Variants in GIT2 observed in about 807,000 individuals in gnomAD.
GIT2 encodes GIT ArfGAP 2, also known as ARF GTPase-activating protein GIT2.
A neutral mutation model predicts 100.3 loss-of-function variants in GIT2; 32 were observed. The ratio of observed to expected loss-of-function variants is 0.32; its 90% CI spans 0.24 to 0.43. GIT2 has a LOEUF of 0.43. Among genes scored for constraint, GIT2 ranks in the 20% least tolerant of loss-of-function variants. GIT2 has a pLI of 1.00. For synonymous variants in GIT2, 353 were observed against 364.1 expected (o/e 0.97, Z 0.35); for missense variants, 737 against 975.1 (o/e 0.76, Z 3.25).
intron 8 of GIT2, chr12:109,965,843 G>A: frequency 1.7e-6 from 1 of 591,866 alleles, no homozygotes; most frequent in Non-Finnish European, 3.2e-6. Context: ...GCTATTGCCA[G>A]GTTACCTTCC....
At chr12:109,939,673 AAAATAAATAAAATAAATAAATAAAT>A (rs1874035220) in intron 16 of GIT2, 1 of 136,424 alleles carries the variant, frequency 7.3e-6, no homozygotes, top group African/African-American at 2.7e-5. Flanking sequence ...CAACATTTAA[AAAATAAATAAAATAAATAAATAAAT>A]AAATAAATAA....
intron 9 of GIT2, 51 bp from the exon 10 acceptor site, chr12:109,961,736 G>A (rs1210350778): frequency 1.9e-6 from 2 of 1,066,506 alleles, no homozygotes; most frequent in East Asian, 2.4e-5. Context: ...AATGCCAGGA[G>A]GACAAGAGGG....
At chr12:109,968,333 T>A (rs1204571279) in intron 7 of GIT2, among the ~76,000 whole-genome samples, 1 of 152,004 alleles carries the variant, frequency 6.6e-6, no homozygotes, top group Admixed American at 6.6e-5. Context: ...CTTGTCTTCA[T>A]GTGATTTTTT....
chr12:109,966,602 C>T (rs1252939990), intron 8 of GIT2, among the ~76,000 whole-genome samples: 1 of 151,090 alleles, frequency 6.6e-6, no homozygotes, highest in Non-Finnish European at 1.5e-5. Context: ...GCTTGAGTCC[C>T]GGAGTTTGCA....
At chr12:109,974,466 C>T (rs1018784730) in intron 7 of GIT2, among the ~76,000 whole-genome samples, 1 of 152,120 alleles carries the variant, frequency 6.6e-6, no homozygotes, top group Admixed American at 6.5e-5. Flanking sequence ...GCAGAGGTTG[C>T]AGCGAGCCAA....
At chr12:109,979,204 C>A (rs1302778099) in intron 7 of GIT2, among the ~76,000 whole-genome samples, 1 of 151,742 alleles carries the variant, frequency 6.6e-6, no homozygotes, top group African/African-American at 2.4e-5. Flanking sequence ...GAGGAAAAAA[C>A]CCCAGGGGAA....
chr12:109,951,229 T>A lies in GIT2; in HGVS notation c.1330A>T (p.Ile444Leu). The change falls in exon 14 of 20, where the codon ATA becomes TTA. Residue 444 changes from isoleucine (I) to leucine (L), a missense_variant. Coordinates refer to ENST00000355312, the MANE Select transcript of GIT2 (RefSeq NM_057169.5). Reference sequence around the variant, plus strand: ...TTATTCACCTTCATTAGCTGCTGTATCTTGGCCTCAGAAGCCACTAGAGCG... The same window carrying A: ...TTATTCACCTTCATTAGCTGCTGTAACTTGGCCTCAGAAGCCACTAGAGCG... ...KNALVASEAKIQQLMKVNNNL... is the reference protein window; with the variant it reads ...KNALVASEAKLQQLMKVNNNL... The A allele has an allele frequency of 6.2e-7, 1 of 1,613,078 alleles. No individual in the cohort carries two copies. The highest frequency in any genetic ancestry group is 1.1e-5 in the South Asian group (1 of 91,070).
chr12:109,939,481 T>A (rs1392993066), intron 16 of GIT2: 6 of 368,426 alleles, frequency 1.6e-5, no homozygotes, highest in Non-Finnish European at 3.1e-5. Flanking sequence ...CCTAATCAGA[T>A]CCTTAGTACA....
chr12:109,979,524 C>T (rs1019297629), intron 7 of GIT2, among the ~76,000 whole-genome samples: 1 of 152,144 alleles, frequency 6.6e-6, no homozygotes, highest in African/African-American at 2.4e-5. Context: ...CCGCCCACCT[C>T]AGCCTCCCAA....
chr12:109,979,272 CTTTTTTTTTTTTT>C (rs11338613), intron 7 of GIT2, among the ~76,000 whole-genome samples: 1 of 85,800 alleles, frequency 1.2e-5, no homozygotes, highest in African/African-American at 4.6e-5. Context: ...CAGAAAAAGG[CTTTTTTTTTTTTT>C]TTTTTTTTGA....
chr12:109,998,384 CTGGATGT>C (rs1889747240), upstream of GIT2: 1 of 152,208 alleles, frequency 6.6e-6, no homozygotes, highest in South Asian at 2.1e-4. Context: ...ATCTGAAGAG[CTGGATGT>C]GCATACACTC....
At position 109,932,389 on chromosome 12, in the gene GIT2, G is replaced by C. The variant is rs1254380984; in HGVS notation, c.*589C>G. The C allele has an allele frequency of 6.5e-6, 1 of 153,000 alleles. No individual in the cohort carries two copies. The highest frequency in any genetic ancestry group is 2.4e-5 in the African/African-American group (1 of 41,436). 9.5% of individuals were successfully genotyped at this position (153,000 alleles called of 1,614,324 possible). A position where few individuals can be genotyped will look rare whatever the true frequency, so the allele number is the denominator to read the frequency against. On this transcript the variant is annotated 3_prime_UTR_variant, in exon 20 of 20. Transcript: ENST00000355312. ...ACATTAAATAACAGAACATGTAACA[G>C]GGTAAAACACTGAGAAGAAATGAAC...
At chr12:109,988,848 C>CAAAAAAA (rs59956597) in intron 4 of GIT2, 115 bp downstream of exon 4, 2 of 204,968 alleles carry the variant, frequency 9.8e-6, no homozygotes, top group South Asian at 4.2e-5. Flanking sequence ...GACTCTGTCT[C>CAAAAAAA]AAAAAAAAAA....
At chr12:109,988,576 C>A (rs13377686) in intron 4 of GIT2, among the ~76,000 whole-genome samples, 59 of 151,946 alleles carry the variant, frequency 3.9e-4, no homozygotes, top group African/African-American at 1.4e-3. Context: ...AAACCCTGGC[C>A]GGGTGCAGTG....
chr12:109,965,993 TG>T (rs375121486), intron 8 of GIT2, among the ~76,000 whole-genome samples: 6 of 148,076 alleles, frequency 4.1e-5, no homozygotes, highest in Admixed American at 6.7e-5. Flanking sequence ...AGGTCAGGGT[TG>T]TTTTTTTTTT....
chr12:109,981,153 C>G, intron 6 of GIT2, 107 bp from the exon 7 acceptor site: 1 of 749,940 alleles, frequency 1.3e-6, no homozygotes, highest in Non-Finnish European at 2.4e-6. Flanking sequence ...TCACACAAGA[C>G]TTTTGAGAAT....
intron 7 of GIT2, among the ~76,000 whole-genome samples, chr12:109,976,135 C>A (rs985776458): frequency 6.7e-6 from 1 of 149,476 alleles, no homozygotes; most frequent in Non-Finnish European, 1.5e-5. Context: ...CACACACACA[C>A]ACAACTTTTC....
chr12:109,972,239 T>C (rs1336474516), intron 7 of GIT2, among the ~76,000 whole-genome samples: 1 of 152,124 alleles, frequency 6.6e-6, no homozygotes, highest in East Asian at 1.9e-4. Context: ...AGAAGAGAAA[T>C]GGTAAGAGTG....
At chr12:109,951,699 A>G (rs961547843) in intron 13 of GIT2, among the ~76,000 whole-genome samples, 1 of 152,212 alleles carries the variant, frequency 6.6e-6, no homozygotes, top group Non-Finnish European at 1.5e-5. Context: ...CTTGGGATAT[A>G]TTAGAAAAGA....
Sources: gnomAD v4.1 joint callset for allele counts (sites outside exome capture counted in the v4.1 genomes callset) on GRCh38, gnomAD v4.1.1 for gene constraint, MANE v1.5 for transcripts, NCBI Gene and HGNC (gene_info 2026-07-23, HGNC 2026-07-21) for gene names.